Variants in TIAM1 observed in about 807,000 individuals in gnomAD.
TIAM1 encodes the protein TIAM Rac1 associated GEF 1.
A neutral mutation model predicts 163.5 loss-of-function variants in TIAM1; 65 were observed. The ratio of observed to expected loss-of-function variants is 0.40; its 90% CI spans 0.33 to 0.49. The LOEUF (loss-of-function observed/expected upper bound fraction) is 0.49. Ranked by LOEUF, TIAM1 falls within the 20% of genes least tolerant of loss-of-function variation. The pLI is 0.77. For missense variants in TIAM1, 1,789 were observed against 2,044.7 expected (o/e 0.87, Z 2.41); for synonymous variants, 833 against 810.1 (o/e 1.03, Z -0.48).
intron 16 of TIAM1, among the ~76,000 whole-genome samples, chr21:31,157,095 A>T (rs997525372): frequency 6.6e-6 from 1 of 152,240 alleles, no homozygotes; most frequent in Non-Finnish European, 1.5e-5. Flanking sequence ...GCTAATTGAT[A>T]CAAACAAGTT....
intron 22 of TIAM1, among the ~76,000 whole-genome samples, chr21:31,140,719 T>G (rs553250301): frequency 2.1e-4 from 32 of 152,356 alleles, no homozygotes; most frequent in Admixed American, 8.5e-4. Context: ...ATTTGAAATT[T>G]TCATTCCTTT....
chr21:31,460,397 C>T (rs1011744222), intron 2 of TIAM1, among the ~76,000 whole-genome samples: 1 of 152,142 alleles, frequency 6.6e-6, no homozygotes, highest in Non-Finnish European at 1.5e-5. Context: ...GAAGCTGAGG[C>T]GGGTGGATCA....
At chr21:31,238,651 A>T (rs538697916) in intron 6 of TIAM1, among the ~76,000 whole-genome samples, 16 of 152,326 alleles carry the variant, frequency 1.1e-4, no homozygotes, top group African/African-American at 3.6e-4. Flanking sequence ...GTAGTGAGGC[A>T]AGAATAACCA....
chr21:31,159,861 A>T (rs1269254859), intron 16 of TIAM1, among the ~76,000 whole-genome samples: 1 of 152,246 alleles, frequency 6.6e-6, no homozygotes, highest in East Asian at 1.9e-4. Flanking sequence ...GTGAATATTT[A>T]CTGTAGGAAT....
At chr21:31,196,675 G>A (rs1181438342) in intron 12 of TIAM1, among the ~76,000 whole-genome samples, 1 of 152,076 alleles carries the variant, frequency 6.6e-6, no homozygotes, top group Admixed American at 6.6e-5. Flanking sequence ...CAGCCACTGT[G>A]GAAAGCAGTT....
At chr21:31,506,724 C>G (rs2081132122) in intron 1 of TIAM1, among the ~76,000 whole-genome samples, 1 of 152,188 alleles carries the variant, frequency 6.6e-6, no homozygotes, top group African/African-American at 2.4e-5. Context: ...TCAAGACCAG[C>G]CTGGGCAACA....
At chr21:31,524,482 G>C (rs1471731052) in intron 1 of TIAM1, among the ~76,000 whole-genome samples, 2 of 152,162 alleles carry the variant, frequency 1.3e-5, no homozygotes, top group African/African-American at 2.4e-5. Flanking sequence ...ATTTGGAGGG[G>C]ACATCCAACT....
chr21:31,298,735 G>GGTGTGTGTGTGTGTGTGTGTGTGTGT (rs147701527), intron 2 of TIAM1, among the ~76,000 whole-genome samples: 6 of 138,482 alleles, frequency 4.3e-5, no homozygotes, highest in Admixed American at 3.7e-4. Flanking sequence ...TCCAATTGAG[G>GGTGTGTGTGTGTGTGTGTGTGTGTGT]GTGTGTGTGT....
At chr21:31,402,191 G>A (rs1328330325) in intron 2 of TIAM1, among the ~76,000 whole-genome samples, 4 of 152,000 alleles carry the variant, frequency 2.6e-5, no homozygotes, top group South Asian at 4.2e-4. Context: ...GCAGCCTGGC[G>A]ACAGAGTGAG....
rs558754707 is a variant in TIAM1 at position 31,506,517 on chromosome 21, T to A, written c.-421-42482A>T. On this transcript the variant is annotated intron_variant, in intron 1 of 28. Transcript: ENST00000286827. ...CTCCCTTGAATTTCACTACTCTAGG[T>A]CCCTCATACAAGTGGAATCACATAG... 3.3e-5 allele frequency among the ~76,000 whole-genome samples: 5 copies of A among 152,314 alleles called. 1 individual carries two copies. In the South Asian group the frequency reaches 1.0e-3, roughly 32 times the overall value.
At chr21:31,275,261 CT>C (rs1034416693) in intron 3 of TIAM1, among the ~76,000 whole-genome samples, 5 of 151,930 alleles carry the variant, frequency 3.3e-5, no homozygotes, top group African/African-American at 9.7e-5. Context: ...ACAATTATAC[CT>C]TTTTTTGGTA....
Position 31,143,532 on chromosome 21 carries a change from ATATT to A in TIAM1, c.3476-2032_3476-2029del, listed in dbSNP as rs373399201. Reference sequence around the variant, plus strand: ...TAGAAATTTAAAAGTTTAATGATATATATTTTTTATTAGAAAGCTTAAAATACAA... The same window carrying A: ...TAGAAATTTAAAAGTTTAATGATATATTTTATTAGAAAGCTTAAAATACAA... On this transcript the variant is annotated intron_variant, in intron 20 of 27. Transcript: ENST00000541036. Among the ~76,000 whole-genome samples the A allele has an allele frequency of 3.1e-3, 470 of 151,800 alleles. 2 individuals are homozygous for A. The highest frequency in any genetic ancestry group is 0.011 in the African/African-American group (444 of 41,472).
chr21:31,122,300 A>G (rs981874129), intron 27 of TIAM1, among the ~76,000 whole-genome samples: 6 of 152,250 alleles, frequency 3.9e-5, no homozygotes, highest in African/African-American at 1.2e-4. Flanking sequence ...TCTGACTTCT[A>G]TTGAGAAGAG....
At chr21:31,175,419 CG>C (rs1438309097) in intron 15 of TIAM1, among the ~76,000 whole-genome samples, 1 of 152,186 alleles carries the variant, frequency 6.6e-6, no homozygotes, top group African/African-American at 2.4e-5. Flanking sequence ...TTTGAAACTT[CG>C]GAAAGACACT....
At chr21:31,321,334 CTGTTTGTT>C (rs112634900) in intron 2 of TIAM1, among the ~76,000 whole-genome samples, 83,401 of 150,392 alleles carry the variant, frequency 0.55, 23,416 homozygotes, top group South Asian at 0.69. Context: ...CCATGCTCTA[CTGTTTGTT>C]TGTTTGTTTG....
intron 1 of TIAM1, among the ~76,000 whole-genome samples, chr21:31,518,444 C>T (rs1347666776): frequency 2.6e-5 from 4 of 152,108 alleles, no homozygotes; most frequent in East Asian, 1.9e-4. Context: ...TGCGCCACCA[C>T]GCCCAGCTAA....
rs532148736 is a variant in TIAM1, at chr21:31,395,756, G to T, written c.-368-56334C>A. ...GAAAATTTTTGCTTTATAAATTGGG[G>T]AGGTTATTAAAAGGACGTGAGATGC... On this transcript the variant is annotated intron_variant, in intron 2 of 28. Transcript: ENST00000286827. This position sits in a 1 kb window ranked among gnomAD's most constrained non-coding sequence, Gnocchi z 7.5. 2.8e-4 allele frequency among the ~76,000 whole-genome samples: 43 copies of T among 152,264 alleles called. No individual in the cohort carries two copies. In the South Asian group the frequency reaches 7.9e-3, roughly 28 times the overall value.
At chr21:31,269,680 T>TTG in intron 3 of TIAM1, among the ~76,000 whole-genome samples, 1 of 150,700 alleles carries the variant, frequency 6.6e-6, no homozygotes, top group African/African-American at 2.4e-5. Context: ...TGTTTTTTTT[T>TTG]TTTTTTTTTG....
intron 1 of TIAM1, among the ~76,000 whole-genome samples, chr21:31,520,744 G>A (rs1024046873): frequency 3.9e-5 from 6 of 152,208 alleles, no homozygotes; most frequent in Admixed American, 6.5e-5. Context: ...CCAGCCGTGC[G>A]ATTGGAGATT....
Sources: gnomAD v4.1 joint callset for allele counts (sites outside exome capture counted in the v4.1 genomes callset) on GRCh38, gnomAD v4.1.1 for gene constraint, Gnocchi (gnomAD v3.1) non-coding constraint, MANE v1.5 for transcripts, NCBI Gene and HGNC (gene_info 2026-07-23, HGNC 2026-07-21) for gene names.